The following SLC47A1 variants were observed in gnomAD, a reference collection of about 807,000 sequenced individuals.
SLC47A1 encodes multidrug and toxin extrusion protein 1.
A neutral mutation model predicts 65.8 loss-of-function variants in SLC47A1; 58 were observed. The ratio of observed to expected loss-of-function variants is 0.88; its 90% CI spans 0.71 to 1.10. The LOEUF (loss-of-function observed/expected upper bound fraction) is 1.10. Among genes scored for constraint, SLC47A1 ranks in the 50% least tolerant of loss-of-function variants. The pLI, the probability that SLC47A1 is intolerant of heterozygous loss-of-function variation, is 0.00. For synonymous variants in SLC47A1, 285 were observed against 295.0 expected (o/e 0.97, Z 0.35); for missense variants, 706 against 719.2 (o/e 0.98, Z 0.21).
intron 10 of SLC47A1, among the ~76,000 whole-genome samples, chr17:19,556,491 C>T (rs1284197928): frequency 6.6e-6 from 1 of 152,016 alleles, no homozygotes; most frequent in African/African-American, 2.4e-5. Flanking sequence ...GTTCTGAAGC[C>T]TCTGAAAACA....
At chr17:19,558,822 GAATA>G (rs562310967) in intron 10 of SLC47A1, among the ~76,000 whole-genome samples, 272 of 152,170 alleles carry the variant, frequency 1.8e-3, no homozygotes, top group African/African-American at 6.3e-3. Context: ...CCTTTGTAAT[GAATA>G]AATAATTTGT....
At chr17:19,568,806 C>G (rs2084378481) in intron 14 of SLC47A1, among the ~76,000 whole-genome samples, 1 of 152,104 alleles carries the variant, frequency 6.6e-6, no homozygotes, top group Non-Finnish European at 1.5e-5. Context: ...ATGCCCTCCC[C>G]TCCTTGCCAC....
At chr17:19,577,117 C>T (rs2084446761) in intron 16 of SLC47A1, among the ~76,000 whole-genome samples, 1 of 152,058 alleles carries the variant, frequency 6.6e-6, no homozygotes, top group Admixed American at 6.6e-5. Flanking sequence ...CTGGAGCACC[C>T]AAGCCAGCGC....
rs2084450016 is a variant in SLC47A1, at chr17:19,577,468, T to C, written c.1628T>C (p.Val543Ala). The C allele has an allele frequency of 1.9e-6, 3 of 1,614,076 alleles. No homozygotes were observed. The highest frequency in any genetic ancestry group is 1.7e-6 in the Non-Finnish European group (2 of 1,180,040). ...GCTAAATTGTCCAGGAAACAGCTGG[T>C]GCTGCGGCGAGGGCTTCTGCTCCTG... ...DGAKLSRKQL[V>A]LRRGLLLLGV... Residue 543 changes from valine to alanine, a missense_variant, in exon 17 of 17, where the codon GTG becomes GCG. Val to Ala is a moderately conservative substitution (Grantham distance 64, BLOSUM62 0). Coordinates refer to ENST00000270570, the MANE Select transcript of SLC47A1 (RefSeq NM_018242.3).
At chr17:19,557,524 C>T (rs763910540) in intron 10 of SLC47A1, 1 of 507,342 alleles carries the variant, frequency 2.0e-6, no homozygotes. Flanking sequence ...TCTTCATATA[C>T]TTGTCTGATT....
intron 14 of SLC47A1, among the ~76,000 whole-genome samples, chr17:19,567,468 C>T (rs1456653978): frequency 6.6e-6 from 1 of 152,208 alleles, no homozygotes. Flanking sequence ...CACGCTGACA[C>T]ACTTGAGCAC....
chr17:19,536,253 C>CAATAATAATAATAATAATAATAAT (rs5819675), intron 1 of SLC47A1, among the ~76,000 whole-genome samples: 3 of 145,516 alleles, frequency 2.1e-5, no homozygotes, highest in African/African-American at 7.6e-5. Flanking sequence ...AATAGTATAG[C>CAATAATAATAATAATAATAATAAT]AATAATAATA....
rs1466614446 is a variant in SLC47A1 at position 19,571,567 on chromosome 17, C to A, written c.1399C>A (p.Gln467Lys). ...IIQLNWKKAC[Q>K]QAQVHANLKV... ...TCAGCTAAATTGGAAAAAAGCCTGT[C>A]AGCAGGTAACTATGTTCATTCTGTC... The change falls in exon 15 of 17, where the codon CAG becomes AAG. Residue 467 changes from glutamine to lysine, a missense_variant. Transcript: ENST00000270570. 1.2e-6 allele frequency: 2 copies of A among 1,612,710 alleles called. No individual in the cohort carries two copies. The highest frequency in any genetic ancestry group is 1.3e-5 in the African/African-American group (1 of 75,024).
At chr17:19,567,036 ATGGGAG>A (rs2084363579) in intron 13 of SLC47A1, 54 bp from the exon 14 acceptor site, 1 of 1,612,162 alleles carries the variant, frequency 6.2e-7, no homozygotes, top group African/African-American at 1.3e-5. Context: ...TGCTCGGGAG[ATGGGAG>A]TGTTTCAAGA....
At position 19,571,548 on chromosome 17, in the gene SLC47A1, A is replaced by G. The variant is rs1229101736; in HGVS notation, c.1380A>G (p.Leu460=). The G allele has an allele frequency of 6.2e-7, 1 of 1,614,088 alleles. No homozygotes were observed. The highest frequency in any genetic ancestry group is 8.5e-7 in the Non-Finnish European group (1 of 1,179,942). Residue 460 remains leucine, a synonymous_variant, in exon 15 of 17, where the codon CTA becomes CTG. Coordinates refer to ENST00000270570, the MANE Select transcript of SLC47A1 (RefSeq NM_018242.3). ...GTTTTCTAGGCTTTATTATTCAGCT[A>G]AATTGGAAAAAAGCCTGTCAGCAGG... ...AVCFLGFIIQ[L]NWKKACQQAQ...
intron 1 of SLC47A1, among the ~76,000 whole-genome samples, chr17:19,536,411 C>T (rs1024563018): frequency 6.6e-6 from 1 of 152,054 alleles, no homozygotes; most frequent in African/African-American, 2.4e-5. Flanking sequence ...TTTGTATGTA[C>T]ATATATGTAT....
intron 2 of SLC47A1, among the ~76,000 whole-genome samples, chr17:19,545,418 G>A (rs1423330616): frequency 2.0e-5 from 3 of 151,918 alleles, no homozygotes; most frequent in Admixed American, 6.6e-5. Flanking sequence ...GGTCTCAAAC[G>A]CCTGACCTCG....
chr17:19,558,847 C>G (rs1357192557), intron 10 of SLC47A1, among the ~76,000 whole-genome samples: 1 of 152,088 alleles, frequency 6.6e-6, no homozygotes, highest in African/African-American at 2.4e-5. Context: ...CAGGCGATCT[C>G]TGTTTGTCCC....
In SLC47A1 at chr17:19,534,222, G is replaced by A. The variant is rs375767460; in HGVS notation, c.135+148G>A. ...GGGAGCATCGTGCCAGGAGCCGGGC[G>A]GGCACCCCAGCTCCTCTGCCTGCGT... On this transcript the variant is annotated intron_variant, in intron 1 of 16. Coordinates refer to ENST00000270570, the MANE Select transcript of SLC47A1 (RefSeq NM_018242.3). The A allele has an allele frequency of 8.3e-5, 88 of 1,059,922 alleles. 1 individual carries two copies. The African/African-American group carries it at 1.1e-3, about 13-fold the overall frequency. The allele number at this position is 1,059,922 out of a possible 1,614,324, so 65.7% of individuals were successfully genotyped here.
intron 1 of SLC47A1, chr17:19,534,302 G>A (rs1292996887): frequency 5.9e-6 from 3 of 505,570 alleles, no homozygotes; most frequent in African/African-American, 4.1e-5. Flanking sequence ...GGGCACTGCG[G>A]GAACGGCTGG....
chr17:19,564,295 G>C (rs2084339301), intron 12 of SLC47A1, among the ~76,000 whole-genome samples: 1 of 151,982 alleles, frequency 6.6e-6, no homozygotes, highest in African/African-American at 2.4e-5. Flanking sequence ...AGGCTGCAGT[G>C]AGCCATGATT....
intron 14 of SLC47A1, among the ~76,000 whole-genome samples, chr17:19,569,193 G>A (rs565904456): frequency 9.9e-5 from 15 of 151,854 alleles, no homozygotes; most frequent in East Asian, 8.0e-4. Context: ...GCAACTTGGC[G>A]AAACCCCGTC....
chr17:19,573,855 C>T (rs2084418569), intron 16 of SLC47A1, among the ~76,000 whole-genome samples: 1 of 151,684 alleles, frequency 6.6e-6, no homozygotes, highest in African/African-American at 2.4e-5. Flanking sequence ...CTTTCTGGAG[C>T]ACCCAGCCAA....
intron 12 of SLC47A1, 49 bp downstream of exon 12, chr17:19,560,542 G>C: frequency 6.3e-7 from 1 of 1,575,958 alleles, no homozygotes; most frequent in Non-Finnish European, 8.7e-7. Context: ...TAAAGAAATG[G>C]TTCATTGAGA....
Sources: allele counts gnomAD v4.1 joint callset (sites outside exome capture counted in the v4.1 genomes callset), GRCh38; gene constraint gnomAD v4.1.1; transcripts MANE v1.5; gene names NCBI Gene and HGNC (gene_info 2026-07-23, HGNC 2026-07-21).